Variants in MAST4 observed in about 807,000 individuals in gnomAD.
MAST4 encodes microtubule-associated serine/threonine-protein kinase 4.
Under a neutral mutation model 162.7 loss-of-function variants are expected in MAST4, and 89 were observed. The ratio of observed to expected loss-of-function variants is 0.55; its 90% CI spans 0.46 to 0.65. The LOEUF is 0.65. Among genes scored for constraint, MAST4 ranks in the 30% least tolerant of loss-of-function variants. The probability of loss-of-function intolerance (pLI) is 0.00; values close to 1 mark genes in which losing one functional copy is unlikely to be tolerated. For missense variants in MAST4, 3,153 were observed against 3,374.0 expected (o/e 0.93, Z 1.62); for synonymous variants, 1,479 against 1,361.1 (o/e 1.09, Z -1.91).
intron 4 of MAST4, among the ~76,000 whole-genome samples, chr5:67,039,633 G>A (rs1425212950): frequency 6.6e-6 from 1 of 152,142 alleles, no homozygotes; most frequent in Non-Finnish European, 1.5e-5. Flanking sequence ...CCTATAAGAG[G>A]CAGGCAGGAG....
intron 5 of MAST4, among the ~76,000 whole-genome samples, chr5:67,062,688 TA>T (rs1239121120): frequency 6.6e-6 from 1 of 152,164 alleles, no homozygotes; most frequent in African/African-American, 2.4e-5. Context: ...CATAACAAAT[TA>T]ATTGTTAGCC....
Position 66,693,716 on chromosome 5 carries a change from C to T in MAST4, c.364-65993C>T, listed in dbSNP as rs13180542. Among the ~76,000 whole-genome samples, 10 of 101,870 alleles carry T rather than the reference C, an allele frequency of 9.8e-5. No homozygotes were observed. The East Asian group carries it at 1.1e-3, about 11-fold the overall frequency. The allele number at this position is 101,870 out of a possible 152,430, so 66.8% of individuals were successfully genotyped here. A position where few individuals can be genotyped will look rare whatever the true frequency, so the allele number is the denominator to read the frequency against. On this transcript the variant is annotated intron_variant, in intron 1 of 28. Coordinates refer to ENST00000403625, the MANE Select transcript of MAST4 (RefSeq NM_001164664.2). ...TAAGATTATTAAACAAAGAGCTAGA[C>T]GCTATCAAATCTCTTAAGATATGGT... is the stretch of plus-strand genomic sequence containing the variant.
intron 1 of MAST4, among the ~76,000 whole-genome samples, chr5:66,614,132 C>G (rs1011432630): frequency 2.0e-4 from 30 of 152,306 alleles, no homozygotes; most frequent in Middle Eastern, 3.4e-3. Context: ...ATTAAACTCC[C>G]AAAGGAACTT....
intron 4 of MAST4, among the ~76,000 whole-genome samples, chr5:67,049,060 C>A (rs866822945): frequency 2.4e-5 from 2 of 82,832 alleles, no homozygotes; most frequent in African/African-American, 1.2e-4. Context: ...TATATATATA[C>A]GTATATATAT....
intron 1 of MAST4, among the ~76,000 whole-genome samples, chr5:66,725,718 A>G (rs1449388691): frequency 6.6e-6 from 1 of 152,164 alleles, no homozygotes. Flanking sequence ...TGAATGAGAT[A>G]ATATGAGGCA....
In MAST4 at chr5:66,704,492, C is replaced by CTTTTTTTTTT. The variant is rs1172510331; in HGVS notation, c.364-55204_364-55195dup. 8.5e-4 allele frequency among the ~76,000 whole-genome samples: 83 copies of CTTTTTTTTTT among 97,334 alleles called. 2 individuals carry two copies. Among genetic ancestry groups the CTTTTTTTTTT allele is most frequent in the South Asian group, 1.1e-3 (3 of 2,642 alleles). The allele number at this position is 97,334 out of a possible 152,430, so 63.9% of individuals were successfully genotyped here. ...TGCATCCTCTCTGTTGCTTGTTGTT[C>CTTTTTTTTTT]TTTTTTTTTTTTTTTTTTTTTTGAG... is the stretch of plus-strand genomic sequence containing the variant. On this transcript the variant is annotated intron_variant, in intron 1 of 28. Transcript: ENST00000403625.
chr5:66,900,942 T>C (rs1296740203), intron 4 of MAST4, among the ~76,000 whole-genome samples: 1 of 152,138 alleles, frequency 6.6e-6, no homozygotes, highest in East Asian at 1.9e-4. Flanking sequence ...GACACTGGAT[T>C]ATTATTTTCG....
chr5:67,042,079 CTG>C (rs1756812628), intron 4 of MAST4, among the ~76,000 whole-genome samples: 1 of 152,206 alleles, frequency 6.6e-6, no homozygotes, highest in Non-Finnish European at 1.5e-5. Flanking sequence ...TAAAACAGAA[CTG>C]TCTCTTCCTT....
intron 3 of MAST4, among the ~76,000 whole-genome samples, chr5:66,895,773 T>C (rs1762645354): frequency 6.6e-6 from 1 of 152,162 alleles, no homozygotes; most frequent in Admixed American, 6.6e-5. Context: ...ATGTGTTCAT[T>C]TCTTCTGTTC....
At position 67,031,273 on chromosome 5, in the gene MAST4, A is replaced by G. The variant is rs144605554; in HGVS notation, c.675-23131A>G. On this transcript the variant is annotated intron_variant, in intron 4 of 28. Coordinates refer to ENST00000403625, the MANE Select transcript of MAST4 (RefSeq NM_001164664.2). ...GCTAGTCCAGCAGAAAGCCCTGGGC[A>G]TTTCCCAGAGTTGATGGCAGAGGAG... Among the ~76,000 whole-genome samples, 807 of 152,282 alleles carry G rather than the reference A, an allele frequency of 5.3e-3. 18 individuals are homozygous for G. The highest frequency in any genetic ancestry group is 0.05 in the East Asian group (258 of 5,172).
At chr5:66,713,018 C>G (rs1391684416) in intron 1 of MAST4, among the ~76,000 whole-genome samples, 1 of 152,192 alleles carries the variant, frequency 6.6e-6, no homozygotes, top group Non-Finnish European at 1.5e-5. Flanking sequence ...TACTTATTTT[C>G]CATCTGGATC....
At chr5:66,904,036 TA>T (rs1167193693) in intron 4 of MAST4, among the ~76,000 whole-genome samples, 3 of 152,254 alleles carry the variant, frequency 2.0e-5, no homozygotes, top group Non-Finnish European at 4.4e-5. Flanking sequence ...ATTTTTCTAA[TA>T]ACGAATTTGT....
chr5:66,829,010 G>A (rs1305380293), intron 3 of MAST4: 10 of 785,392 alleles, frequency 1.3e-5, no homozygotes, highest in Admixed American at 6.2e-5. Context: ...ACATGGCAAC[G>A]CTATACGGAG....
chr5:66,634,321 A>T (rs1744967342), intron 1 of MAST4, among the ~76,000 whole-genome samples: 1 of 152,138 alleles, frequency 6.6e-6, no homozygotes, highest in Non-Finnish European at 1.5e-5. Context: ...GGCCTCCCAT[A>T]GTGCTGGGAT....
At chr5:67,090,074 A>C in intron 5 of MAST4, 88 bp from the exon 6 acceptor site, 1 of 979,090 alleles carries the variant, frequency 1.0e-6, no homozygotes, top group East Asian at 2.7e-5. Context: ...CAGAAATGTA[A>C]ATAAACTTAT....
At chr5:66,951,650 GTGTATT>G (rs1744717552) in intron 4 of MAST4, among the ~76,000 whole-genome samples, 1 of 126,730 alleles carries the variant, frequency 7.9e-6, no homozygotes, top group Admixed American at 8.1e-5. Context: ...GTGTGTGTGT[GTGTATT>G]TTTTCCCACT....
chr5:67,093,403 G>T (rs1044506755), intron 6 of MAST4, among the ~76,000 whole-genome samples: 5 of 152,080 alleles, frequency 3.3e-5, no homozygotes, highest in Non-Finnish European at 7.4e-5. Context: ...TACCTTTCTT[G>T]AAAAAAGGGC....
chr5:66,659,851 A>C (rs1746790718), intron 1 of MAST4, among the ~76,000 whole-genome samples: 1 of 152,240 alleles, frequency 6.6e-6, no homozygotes, highest in African/African-American at 2.4e-5. Context: ...AGAGGACAAG[A>C]CATTTGTTCT....
In MAST4 at chr5:66,799,434, C is replaced by T. The variant is rs1156401059; in HGVS notation, c.642+10640C>T. Among the ~76,000 whole-genome samples, 3 of 152,304 alleles carry T rather than the reference C, an allele frequency of 2.0e-5. No homozygotes were observed. The East Asian group carries it at 5.8e-4, about 29-fold the overall frequency. On this transcript the variant is annotated intron_variant, in intron 3 of 28. Coordinates refer to ENST00000403625, the MANE Select transcript of MAST4 (RefSeq NM_001164664.2). ...CTTCTCTCCTCATCCCCAAAATGGC[C>T]TGAATGCCTAAAGAGCTCAGGAAAA...
Sources: gnomAD v4.1 joint callset for allele counts (sites outside exome capture counted in the v4.1 genomes callset) on GRCh38, gnomAD v4.1.1 for gene constraint, MANE v1.5 for transcripts, NCBI Gene and HGNC (gene_info 2026-07-23, HGNC 2026-07-21) for gene names.